Variants in LOXL3 observed in about 807,000 individuals in gnomAD.
LOXL3 encodes lysyl oxidase like 3, also known as lysyl oxidase homolog 3.
A neutral mutation model predicts 91.8 loss-of-function variants in LOXL3; 60 were observed. The ratio of observed to expected loss-of-function variants is 0.65; its 90% confidence interval spans 0.53 to 0.81. The LOEUF is 0.81. Among genes scored for constraint, LOXL3 ranks in the 30% least tolerant of loss-of-function variants. The probability of loss-of-function intolerance (pLI) is 0.00; values close to 1 mark genes in which losing one functional copy is unlikely to be tolerated. For missense variants in LOXL3, 874 were observed against 1,000.4 expected, an observed-to-expected ratio of 0.87 and a Z score of 1.70; for synonymous variants, 355 against 387.6, an observed-to-expected ratio of 0.92 and a Z score of 0.99.
intron 4 of LOXL3, among the ~76,000 whole-genome samples, chr2:74,548,290 G>T (rs899318745): frequency 6.6e-6 from 1 of 152,190 alleles, no homozygotes; most frequent in Non-Finnish European, 1.5e-5. Context: ...CAAAACAAAT[G>T]TAATAGGTAA....
Position 74,532,837 on chromosome 2 carries a change from GTGA to G in LOXL3, c.*766_*768del, listed in dbSNP as rs762574633. 6.2e-7 allele frequency: 1 copy of G among 1,613,992 alleles called. No homozygotes were observed. Among genetic ancestry groups the G allele is most frequent in the Non-Finnish European group, 8.5e-7 (1 of 1,180,034 alleles). On this transcript the variant is annotated 3_prime_UTR_variant, in exon 14 of 14. Transcript: ENST00000264094. The stretch of plus-strand genomic sequence containing the variant: ...CTCTATAGGGCTGGTCTGCGGCCTG[GTGA>G]TGTGATTTTGGCCATTGGGGAGCAG...
In LOXL3 at chr2:74,535,208, C is replaced by A; in HGVS notation, c.1579+84G>T. 1.4e-6 allele frequency: 2 copies of A among 1,469,036 alleles called. No homozygotes were observed. The highest frequency in any genetic ancestry group is 1.8e-6 in the Non-Finnish European group (2 of 1,089,528). 91.0% of individuals were successfully genotyped at this position (1,469,036 alleles called of 1,614,324 possible). A position where few individuals can be genotyped will look rare whatever the true frequency, so the allele number is the denominator to read the frequency against. On this transcript the variant is annotated intron_variant, in intron 9 of 13. Transcript: ENST00000264094. The surrounding 1 kb of genome is among the most constrained non-coding windows in gnomAD (Gnocchi z 4.2). ...GCTCTTTTATGGGGAAGAAGTGCCCCTCCAGATTACAGCCCCCTTTCCCTG... is the reference window on the plus strand; with the variant it reads ...GCTCTTTTATGGGGAAGAAGTGCCCATCCAGATTACAGCCCCCTTTCCCTG...
Position 74,534,757 on chromosome 2 carries a change from G to A in LOXL3, c.1597C>T (p.Leu533=). 6.2e-7 allele frequency: 1 copy of A among 1,613,374 alleles called. No individual in the cohort carries two copies. Among genetic ancestry groups the A allele is most frequent in the East Asian group, 2.2e-5 (1 of 44,878 alleles). Residue 533 remains leucine (L), a synonymous_variant, in exon 10 of 14, where the codon CTG becomes TTG. Coordinates refer to ENST00000264094, the MANE Select transcript of LOXL3 (RefSeq NM_032603.5). ...ICSETASDLL[L]HSALVQETAY... ...GTCTCCTGCACCAGTGCTGAGTGCA[G>A]CAACAGATCTGATGCAGCTGCACCA...
At position 74,551,549 on chromosome 2, in the gene LOXL3, C is replaced by A. The variant is rs142075467; in HGVS notation, c.313+773G>T. Among the ~76,000 whole-genome samples the A allele has an allele frequency of 3.9e-5, 6 of 152,394 alleles. 1 individual carries two copies. The East Asian group carries it at 9.6e-4, about 24-fold the overall frequency. On this transcript the variant is annotated intron_variant, in intron 2 of 13. Transcript: ENST00000264094. ...TATGCAAGGTTTTTACTTTCCATATCAATCCCCTGATTCTTCAGCAATTCC... is the reference window on the plus strand; with the variant it reads ...TATGCAAGGTTTTTACTTTCCATATAAATCCCCTGATTCTTCAGCAATTCC...
chr2:74,549,517 G>A lies in LOXL3; in HGVS notation c.544C>T (p.Leu182=), dbSNP rs537721394. 6.3e-5 allele frequency: 102 copies of A among 1,613,648 alleles called. 2 individuals carry two copies. The Admixed American group carries it at 1.3e-3, about 21-fold the overall frequency. ...RPAVGWGRRP[L]PVTEGLVEVR... is the part of the protein sequence containing the mutation. ...TCCACCAGCCCCTCCGTCACGGGCA[G>A]GGGTCGTCTGCCCCACCCAACGGCG... The change falls in exon 4 of 14, where the codon CTG becomes TTG. Residue 182 remains leucine (L), a synonymous_variant. Transcript: ENST00000264094. The surrounding 1 kb of genome is among the most constrained non-coding windows in gnomAD (Gnocchi z 5.3).
intron 4 of LOXL3, among the ~76,000 whole-genome samples, chr2:74,540,972 C>A (rs547416488): frequency 1.3e-5 from 2 of 152,252 alleles, no homozygotes; most frequent in Admixed American, 1.3e-4. Context: ...CCTTAGTTGT[C>A]CTTTCTTTGA....
At chr2:74,554,677 C>T (rs1464954668), upstream of LOXL3, 1 of 1,488,672 alleles carries the variant, frequency 6.7e-7, no homozygotes, top group Non-Finnish European at 9.2e-7. The surrounding 1 kb of genome is among the most constrained non-coding windows in gnomAD (Gnocchi z 4.9). Flanking sequence ...GCGGAAACTC[C>T]TCCAGGGAAC....
chr2:74,555,350 C>T (rs1458271312), upstream of LOXL3: 16 of 1,613,694 alleles, frequency 9.9e-6, no homozygotes, highest in Non-Finnish European at 1.4e-5. The surrounding 1 kb of genome is among the most constrained non-coding windows in gnomAD (Gnocchi z 6.1). Flanking sequence ...GAGCCCGGCG[C>T]CACTGCCTTC....
intron 4 of LOXL3, among the ~76,000 whole-genome samples, chr2:74,539,282 G>T (rs1277430329): frequency 6.6e-6 from 1 of 152,122 alleles, no homozygotes; most frequent in East Asian, 1.9e-4. Flanking sequence ...GGCAGCATGG[G>T]GATGGGAAAA....
intron 2 of LOXL3, 61 bp from the exon 3 acceptor site, chr2:74,550,409 G>T: frequency 6.4e-7 from 1 of 1,555,884 alleles, no homozygotes; most frequent in Non-Finnish European, 8.8e-7. Context: ...GGAGTAATGG[G>T]GATGTAGGGA....
At chr2:74,534,942 G>C (rs1038628233) in intron 9 of LOXL3, among the ~76,000 whole-genome samples, 168 bp from the exon 10 acceptor site, 12 of 152,268 alleles carry the variant, frequency 7.9e-5, no homozygotes, top group Middle Eastern at 3.4e-3. Context: ...GCAGCGGCGT[G>C]ATCTTGGCTC....
At chr2:74,553,167 CCATTTA>C (rs1038735539) in intron 1 of LOXL3, 21 of 154,300 alleles carry the variant, frequency 1.4e-4, no homozygotes, top group African/African-American at 4.8e-4. Context: ...CCAGATGACC[CCATTTA>C]CTCAGAGGGA....
At position 74,534,745 on chromosome 2, in the gene LOXL3, G is replaced by A. The variant is rs769305137; in HGVS notation, c.1609C>T (p.Leu537=). ...TASDLLLHSA[L]VQETAYIEDR... ...TCGATGTAGGCGGTCTCCTGCACCA[G>A]TGCTGAGTGCAGCAACAGATCTGAT... Residue 537 remains leucine, a synonymous_variant, in exon 10 of 14, where the codon CTG becomes TTG. Coordinates refer to ENST00000264094, the MANE Select transcript of LOXL3 (RefSeq NM_032603.5). 7.4e-6 allele frequency: 12 copies of A among 1,613,882 alleles called. No individual in the cohort carries two copies. The highest frequency in any genetic ancestry group is 1.0e-5 in the Non-Finnish European group (12 of 1,179,992).
chr2:74,547,569 A>C (rs1357768175), intron 4 of LOXL3, among the ~76,000 whole-genome samples: 1 of 152,158 alleles, frequency 6.6e-6, no homozygotes, highest in East Asian at 1.9e-4. Context: ...AAAGTACCGA[A>C]AGTCCTCAGT....
At chr2:74,555,603 A>G (rs749957250), upstream of LOXL3, 2 of 1,614,158 alleles carry the variant, frequency 1.2e-6, no homozygotes, top group South Asian at 1.1e-5. This position sits in a 1 kb window ranked among gnomAD's most constrained non-coding sequence, Gnocchi z 6.1. Flanking sequence ...GCGCCTACCG[A>G]TAACCCACCT....
At position 74,552,755 on chromosome 2, in the gene LOXL3, G is replaced by C; in HGVS notation, c.-12-109C>G. On this transcript the variant is annotated intron_variant, in intron 1 of 13. Coordinates refer to ENST00000264094, the MANE Select transcript of LOXL3 (RefSeq NM_032603.5). Reference sequence around the variant, plus strand: ...AGAAAAACAGACACTGAGTAAGACAGAGACAGCGAGAGACAACAGGAGAGA... The same window carrying C: ...AGAAAAACAGACACTGAGTAAGACACAGACAGCGAGAGACAACAGGAGAGA... 6 of 908,906 alleles carry C rather than the reference G, an allele frequency of 6.6e-6. 1 individual carries two copies. The South Asian group carries it at 1.1e-4, about 17-fold the overall frequency. The allele number at this position is 908,906 out of a possible 1,614,324, so 56.3% of individuals were successfully genotyped here.
chr2:74,533,504 G>T lies in LOXL3; in HGVS notation c.*102C>A. The T allele has an allele frequency of 1.0e-6, 1 of 981,564 alleles. No individual in the cohort carries two copies. The highest frequency in any genetic ancestry group is 1.6e-6 in the Non-Finnish European group (1 of 626,758). 60.8% of individuals were successfully genotyped at this position (981,564 alleles called of 1,614,324 possible). The stretch of plus-strand genomic sequence containing the variant: ...ACATCCATAGTGCATGGTCTGATGA[G>T]TGCGGTTGCTGACATGGGTTTCTTG... On this transcript the variant is annotated 3_prime_UTR_variant, in exon 14 of 14. Coordinates refer to ENST00000264094, the MANE Select transcript of LOXL3 (RefSeq NM_032603.5).
At position 74,532,795 on chromosome 2, in the gene LOXL3, T is replaced by G. The variant is rs1158286857; in HGVS notation, c.*811A>C. ...GAACTAGGCTTTGTACTCCTTCCTT[T>G]CTCTCTGTCCATTTTTCTCTATAGG... On this transcript the variant is annotated 3_prime_UTR_variant, in exon 14 of 14. Coordinates refer to ENST00000264094, the MANE Select transcript of LOXL3 (RefSeq NM_032603.5). 1 of 1,614,074 alleles carries G rather than the reference T, an allele frequency of 6.2e-7. No individual in the cohort carries two copies. The highest frequency in any genetic ancestry group is 1.3e-5 in the African/African-American group (1 of 75,016).
Position 74,534,418 on chromosome 2 carries a change from T to G in LOXL3, c.1837A>C (p.Met613Leu). The change falls in exon 11 of 14, where the codon ATG becomes CTG. Residue 613 changes from methionine to leucine, a missense_variant. Transcript: ENST00000264094. ...ATATCATAGTGAGTGAAGATGTCCA[T>G]GCTGTGGTAATGCCTGTGGGGAGAA... ...WHECHGHYHSMDIFTHYDILT... is the reference protein window; with the variant it reads ...WHECHGHYHSLDIFTHYDILT... 2.5e-6 allele frequency: 4 copies of G among 1,614,222 alleles called. No homozygotes were observed. Among genetic ancestry groups the G allele is most frequent in the Non-Finnish European group, 3.4e-6 (4 of 1,180,026 alleles).
Sources: gnomAD v4.1 joint callset for allele counts (sites outside exome capture counted in the v4.1 genomes callset) on GRCh38, gnomAD v4.1.1 for gene constraint, Gnocchi (gnomAD v3.1) non-coding constraint, MANE v1.5 for transcripts, NCBI Gene and HGNC (gene_info 2026-07-23, HGNC 2026-07-21) for gene names.